The following BICD2 variants were observed in gnomAD, a reference collection of about 807,000 sequenced individuals.
BICD2 encodes protein bicaudal D homolog 2.
In BICD2, 25 loss-of-function variants were observed where a neutral mutation model predicts 72.9. That is an observed-to-expected ratio of 0.34 (90% CI 0.25 to 0.48). The LOEUF (loss-of-function observed/expected upper bound fraction) is 0.48. BICD2 is among the 20% of genes least tolerant of loss of function. BICD2 has a pLI of 0.99. For synonymous variants in BICD2, 501 were observed against 516.1 expected (o/e 0.97, Z 0.40); for missense variants, 894 against 1,175.2 (o/e 0.76, Z 3.50).
At chr9:92,741,152 C>T (rs571457782) in intron 1 of BICD2, among the ~76,000 whole-genome samples, 69 of 152,276 alleles carry the variant, frequency 4.5e-4, no homozygotes, top group African/African-American at 1.6e-3. Context: ...ACAAACTCAA[C>T]GGGAATGTTC....
At chr9:92,729,315 T>C (rs1853634561) in intron 1 of BICD2, 79 bp from the exon 2 acceptor site, 8 of 1,455,212 alleles carry the variant, frequency 5.5e-6, no homozygotes, top group Non-Finnish European at 7.6e-6. Context: ...ACAGGCGACA[T>C]TCATGCTGCA....
rs773725679 is a variant in BICD2, at chr9:92,719,112, G to T, written c.1533C>A (p.Asp511Glu). ...GGCTGCCCTGTGTCTCGCCGGCGACGTCGCTCACCTTCTTTAGCTCCTTCT... is the reference window on the plus strand; with the variant it reads ...GGCTGCCCTGTGTCTCGCCGGCGACTTCGCTCACCTTCTTTAGCTCCTTCT... Reference protein sequence around the residue: ...RLEKELKKVSDVAGETQGSLS... With the variant: ...RLEKELKKVSEVAGETQGSLS... Residue 511 changes from aspartate to glutamate, a missense_variant, in exon 5 of 7, where the codon GAC (aspartate) becomes GAA (glutamate). Around this residue, in one of 5 missense-constraint regions of BICD2, gnomAD observed 371 missense variants for 439.1 expected, o/e 0.84. Transcript: ENST00000356884. The T allele has an allele frequency of 1.2e-6, 2 of 1,612,648 alleles. No homozygotes were observed. Among genetic ancestry groups the T allele is most frequent in the Non-Finnish European group, 1.7e-6 (2 of 1,179,986 alleles).
In BICD2 at chr9:92,713,523, C is replaced by T; in HGVS notation, c.*1631G>A. 3 of 1,562,896 alleles carry T rather than the reference C, an allele frequency of 1.9e-6. No homozygotes were observed. The highest frequency in any genetic ancestry group is 2.6e-6 in the Non-Finnish European group (3 of 1,152,506). Reference sequence around the variant, plus strand: ...CATCTGTCGCTTCCTGTTTATCTGACAATTGAAGCTCTCCACGTGCTGGGA... The same window carrying T: ...CATCTGTCGCTTCCTGTTTATCTGATAATTGAAGCTCTCCACGTGCTGGGA... On this transcript the variant is annotated 3_prime_UTR_variant, in exon 7 of 7. Transcript: ENST00000356884.
chr9:92,726,403 T>C (rs1031854231), intron 2 of BICD2, among the ~76,000 whole-genome samples: 4 of 152,152 alleles, frequency 2.6e-5, no homozygotes, highest in East Asian at 3.9e-4. Flanking sequence ...AAGGATACAA[T>C]GAAGGCTGTT....
At chr9:92,744,094 C>T (rs890345198) in intron 1 of BICD2, among the ~76,000 whole-genome samples, 5 of 152,196 alleles carry the variant, frequency 3.3e-5, no homozygotes, top group Non-Finnish European at 7.3e-5. Context: ...CAGACACAGG[C>T]AACAGCCACC....
chr9:92,716,855 C>A (rs781565942), intron 6 of BICD2, among the ~76,000 whole-genome samples: 2 of 152,176 alleles, frequency 1.3e-5, no homozygotes, highest in Non-Finnish European at 2.9e-5. Flanking sequence ...CAGGGGCAGC[C>A]CACCTCAGAG....
chr9:92,713,387 C>T lies in BICD2; in HGVS notation c.*1767G>A, dbSNP rs1853231183. ...GTTGCCCTTCCTTCCTCCTTGTGGG[C>T]CACGAGAGGGAAGGGGAAGGGGCTG... On this transcript the variant is annotated 3_prime_UTR_variant, in exon 7 of 7. Transcript: ENST00000356884. The T allele has an allele frequency of 5.3e-6, 8 of 1,520,028 alleles. No homozygotes were observed. The highest frequency in any genetic ancestry group is 7.2e-6 in the Non-Finnish European group (8 of 1,115,344). The allele number at this position is 1,520,028 out of a possible 1,614,324, so 94.2% of individuals were successfully genotyped here.
chr9:92,755,618 CTT>C (rs1397745949), intron 1 of BICD2, among the ~76,000 whole-genome samples: 1 of 152,182 alleles, frequency 6.6e-6, no homozygotes, highest in Non-Finnish European at 1.5e-5. Context: ...ATGAAAAGAA[CTT>C]ACGTGAATAT....
Position 92,715,374 on chromosome 9 carries a change from C to T in BICD2, c.2348G>A (p.Arg783His), listed in dbSNP as rs756670700. Reference sequence around the variant, plus strand: ...CGCCAGCTTCTGCTGGATGGCCATGCGCAGCAGCGAGTTCAGCGTCTTCTT... The same window carrying T: ...CGCCAGCTTCTGCTGGATGGCCATGTGCAGCAGCGAGTTCAGCGTCTTCTT... ...DEKKTLNSLLRMAIQQKLALT... is the reference protein window; with the variant it reads ...DEKKTLNSLLHMAIQQKLALT... The change falls in exon 7 of 7, where the codon CGC (arginine) becomes CAC (histidine). Residue 783 changes from arginine (R) to histidine (H), a missense_variant. Arg to His is a conservative substitution (Grantham distance 29). Coordinates refer to ENST00000356884, the MANE Select transcript of BICD2 (RefSeq NM_001003800.2). 3.1e-6 allele frequency: 5 copies of T among 1,612,414 alleles called. No homozygotes were observed. Among genetic ancestry groups the T allele is most frequent in the Admixed American group, 3.3e-5 (2 of 59,988 alleles).
chr9:92,735,938 G>A (rs1045868634), intron 1 of BICD2, among the ~76,000 whole-genome samples: 1 of 152,160 alleles, frequency 6.6e-6, no homozygotes, highest in Non-Finnish European at 1.5e-5. Flanking sequence ...CAGGTGAACT[G>A]CCCACATCCA....
In BICD2 at chr9:92,718,972, C is replaced by T. The variant is rs1263279945; in HGVS notation, c.1673G>A (p.Arg558His). 3.1e-6 allele frequency: 5 copies of T among 1,610,590 alleles called. No individual in the cohort carries two copies. The highest frequency in any genetic ancestry group is 4.2e-6 in the Non-Finnish European group (5 of 1,179,848). Residue 558 changes from arginine (R) to histidine (H), a missense_variant, in exon 5 of 7, where the codon CGC becomes CAC. Coordinates refer to ENST00000356884, the MANE Select transcript of BICD2 (RefSeq NM_001003800.2). ...GCGGCCGGCCCCGCCCTGGCCCTCG[C>T]GGTAGTAGTCCAGCATGACACGGTT... is the stretch of plus-strand genomic sequence containing the variant. ...TPNRVMLDYY[R>H]EGQGGAGRTS...
At chr9:92,750,922 G>GT (rs1007725145) in intron 1 of BICD2, among the ~76,000 whole-genome samples, 41 of 151,842 alleles carry the variant, frequency 2.7e-4, no homozygotes, top group African/African-American at 7.2e-4. Context: ...CTTTTTATTT[G>GT]TTTTTTTTGA....
chr9:92,747,959 G>C (rs1022487253), intron 1 of BICD2, among the ~76,000 whole-genome samples: 5 of 152,234 alleles, frequency 3.3e-5, no homozygotes, highest in Non-Finnish European at 7.3e-5. Flanking sequence ...GGCATAGCCA[G>C]ATGCTGGGGT....
At chr9:92,731,527 A>G (rs1255437197) in intron 1 of BICD2, among the ~76,000 whole-genome samples, 1 of 152,154 alleles carries the variant, frequency 6.6e-6, no homozygotes, top group Non-Finnish European at 1.5e-5. Flanking sequence ...ATATAAATAA[A>G]TAATAAGCAG....
In BICD2 at chr9:92,718,971, G is replaced by T. The variant is rs35535468; in HGVS notation, c.1674C>A (p.Arg558=). 11 of 1,610,446 alleles carry T rather than the reference G, an allele frequency of 6.8e-6. No homozygotes were observed. The Admixed American group carries it at 8.3e-5, about 12-fold the overall frequency. The change falls in exon 5 of 7, where the codon CGC becomes CGA. Residue 558 remains arginine (R), a synonymous_variant. Transcript: ENST00000356884. ...TGCGGCCGGCCCCGCCCTGGCCCTC[G>T]CGGTAGTAGTCCAGCATGACACGGT... ...TPNRVMLDYY[R]EGQGGAGRTS... is the part of the protein sequence containing the mutation.
At chr9:92,746,155 G>GA (rs1236490339) in intron 1 of BICD2, among the ~76,000 whole-genome samples, 1 of 152,234 alleles carries the variant, frequency 6.6e-6, no homozygotes, top group Non-Finnish European at 1.5e-5. Context: ...AAGCACGAGT[G>GA]AAAGGACTGG....
At chr9:92,754,303 G>C (rs1203741059) in intron 1 of BICD2, among the ~76,000 whole-genome samples, 1 of 152,226 alleles carries the variant, frequency 6.6e-6, no homozygotes, top group Admixed American at 6.5e-5. Context: ...GGAAGCTGTA[G>C]GTGCGTGTAT....
intron 1 of BICD2, among the ~76,000 whole-genome samples, chr9:92,748,354 G>C (rs537269211): frequency 5.0e-4 from 76 of 152,298 alleles, no homozygotes; most frequent in African/African-American, 1.8e-3. Context: ...TGCAATGACA[G>C]GATAGTGCTC....
At chr9:92,731,672 G>C (rs534121858) in intron 1 of BICD2, among the ~76,000 whole-genome samples, 1 of 152,290 alleles carries the variant, frequency 6.6e-6, no homozygotes, top group Admixed American at 6.5e-5. Context: ...CTGTCAAGGA[G>C]GGACTGGAAG....
Sources: allele counts gnomAD v4.1 joint callset (sites outside exome capture counted in the v4.1 genomes callset), GRCh38; gene constraint gnomAD v4.1.1; regional missense constraint gnomAD v4.1.1; transcripts MANE v1.5; gene names NCBI Gene and HGNC (gene_info 2026-07-23, HGNC 2026-07-21).